SPEG: variants seen among roughly 807,000 people sequenced by gnomAD.
SPEG encodes the protein striated muscle enriched protein kinase.
SPEG carries 114 observed loss-of-function variants against 300.4 expected under a neutral mutation model. The ratio of observed to expected loss-of-function variants is 0.38; its 90% CI spans 0.33 to 0.44. SPEG has a LOEUF of 0.44. Ranked by LOEUF, SPEG falls within the 20% of genes least tolerant of loss-of-function variation. SPEG has a pLI of 1.00. For missense variants in SPEG, 4,201 were observed against 4,586.2 expected (o/e 0.92, Z 2.43); for synonymous variants, 1,964 against 2,018.9 (o/e 0.97, Z 0.73).
chr2:219,446,284 G>A (rs1689283680), intron 3 of SPEG, among the ~76,000 whole-genome samples: 1 of 152,172 alleles, frequency 6.6e-6, no homozygotes, highest in Non-Finnish European at 1.5e-5. Context: ...CCAGAGCCTG[G>A]AGTTGCTATG....
At position 219,485,330 on chromosome 2, in the gene SPEG, GCCTGAGTCTTCACAGC is replaced by G. The variant is rs1311393970; in HGVS notation, c.7610-13_7612del. Reference sequence around the variant, plus strand: ...GTACTGACTGAACAAATACTCACGGGCCTGAGTCTTCACAGCCCCAGGGGAAAGCCGAAGCCGGCTC... The same window carrying G: ...GTACTGACTGAACAAATACTCACGGGCCCAGGGGAAAGCCGAAGCCGGCTC... On this transcript the variant is annotated splice_acceptor_variant and splice_polypyrimidine_tract_variant and coding_sequence_variant and intron_variant, in exon 31 of 41. Coordinates refer to ENST00000312358, the MANE Select transcript of SPEG (RefSeq NM_005876.5). LOFTEE classifies it high-confidence loss of function. 1 of 1,601,492 alleles carries G rather than the reference GCCTGAGTCTTCACAGC, an allele frequency of 6.2e-7. No individual in the cohort carries two copies. Among genetic ancestry groups the G allele is most frequent in the Non-Finnish European group, 8.5e-7 (1 of 1,174,572 alleles).
chr2:219,485,234 C>A, intron 30 of SPEG, 112 bp from the exon 31 acceptor site: 1 of 1,495,468 alleles, frequency 6.7e-7, no homozygotes, highest in East Asian at 2.3e-5. Flanking sequence ...GGAATGGCGG[C>A]AGGGCTGGGT....
chr2:219,483,348 C>T lies in SPEG; in HGVS notation c.5885C>T (p.Thr1962Ile), dbSNP rs1424392041. The T allele has an allele frequency of 6.2e-7, 1 of 1,604,656 alleles. No individual in the cohort carries two copies. Among genetic ancestry groups the T allele is most frequent in the Non-Finnish European group, 8.5e-7 (1 of 1,176,412 alleles). ...DIPTEDEALG[T>I]PETGAATPMD... The stretch of plus-strand genomic sequence containing the variant: ...CCCACTGAGGATGAGGCCCTGGGGA[C>T]CCCAGAGACTGGGGCTGCCACCCCC... Residue 1962 changes from threonine to isoleucine, a missense_variant, in exon 30 of 41, where the codon ACC (threonine) becomes ATC (isoleucine). Physicochemically the swap from Thr to Ile is moderately conservative, Grantham distance 89. Transcript: ENST00000312358.
chr2:219,447,041 A>G (rs566758086), intron 3 of SPEG, among the ~76,000 whole-genome samples: 1 of 124,532 alleles, frequency 8.0e-6, no homozygotes, highest in South Asian at 2.8e-4. Flanking sequence ...TCCTCCCCGC[A>G]AGGGTCCAGA....
At chr2:219,470,328 T>C (rs1362081688) in intron 13 of SPEG, among the ~76,000 whole-genome samples, 2 of 152,150 alleles carry the variant, frequency 1.3e-5, no homozygotes, top group East Asian at 1.9e-4. Context: ...GATGTCCCTG[T>C]CACCCATGCT....
Position 219,483,803 on chromosome 2 carries a change from C to G in SPEG, c.6340C>G (p.Pro2114Ala), listed in dbSNP as rs1426421637. The G allele has an allele frequency of 1.6e-5, 25 of 1,572,566 alleles. No individual in the cohort carries two copies. The highest frequency in any genetic ancestry group is 2.1e-5 in the Non-Finnish European group (24 of 1,166,542). The change falls in exon 30 of 41, where the codon CCC (proline) becomes GCC (alanine). Residue 2114 changes from proline (P) to alanine (A), a missense_variant. Coordinates refer to ENST00000312358, the MANE Select transcript of SPEG (RefSeq NM_005876.5). Reference sequence around the variant, plus strand: ...ACGAGCTGCCTCCAGCGAGGCAGCGCCCCACCACCAGCCCCCACTCGAGAA... The same window carrying G: ...ACGAGCTGCCTCCAGCGAGGCAGCGGCCCACCACCAGCCCCCACTCGAGAA... ...MARAASSEAAPHHQPPLENRG... is the reference protein window; with the variant it reads ...MARAASSEAAAHHQPPLENRG...
chr2:219,484,662 T>A lies in SPEG; in HGVS notation c.7199T>A (p.Val2400Asp), dbSNP rs1693212420. Residue 2400 changes from valine (V) to aspartate (D), a missense_variant, in exon 30 of 41, where the codon GTC becomes GAC. Around this residue, in one of 4 missense-constraint regions of SPEG, gnomAD observed 1,578 missense variants for 1,506.0 expected, o/e 1.05. Transcript: ENST00000312358. ...RSRSVQDLRA[V>D]GEPGLVRRLS... ...CGCTCGGTGCAGGACCTCAGGGCTGTCGGAGAGCCTGGCCTCGTCCGCCGC... is the reference window on the plus strand; with the variant it reads ...CGCTCGGTGCAGGACCTCAGGGCTGACGGAGAGCCTGGCCTCGTCCGCCGC... 5 of 1,529,742 alleles carry A rather than the reference T, an allele frequency of 3.3e-6. No homozygotes were observed. In the South Asian group the frequency reaches 6.0e-5, roughly 18 times the overall value. 94.8% of individuals were successfully genotyped at this position (1,529,742 alleles called of 1,614,324 possible).
intron 6 of SPEG, chr2:219,461,381 T>TGGACC: frequency 1.0e-6 from 1 of 999,570 alleles, no homozygotes; most frequent in Non-Finnish European, 1.2e-6. Flanking sequence ...TCATTGGCCC[T>TGGACC]GGACCGAGGT....
At chr2:219,460,080 G>A (rs111786227) in intron 6 of SPEG, among the ~76,000 whole-genome samples, 5 of 152,250 alleles carry the variant, frequency 3.3e-5, no homozygotes, top group East Asian at 1.9e-4. Flanking sequence ...GGCAGCCCCC[G>A]CTGTCCTCTT....
rs1218044332 is a variant in SPEG at position 219,481,487 on chromosome 2, G to T, written c.5522+31G>T. On this transcript the variant is annotated intron_variant, in intron 27 of 40. Coordinates refer to ENST00000312358, the MANE Select transcript of SPEG (RefSeq NM_005876.5). The surrounding 1 kb of genome is among the most constrained non-coding windows in gnomAD (Gnocchi z 5.4). ...TACAAGGCCCTGGGAGCCCCCACCT[G>T]CAGGGTCACCCTCATACCACCTGCC... 3 of 1,612,312 alleles carry T rather than the reference G, an allele frequency of 1.9e-6. No homozygotes were observed. Among genetic ancestry groups the T allele is most frequent in the Non-Finnish European group, 2.5e-6 (3 of 1,178,796 alleles).
At chr2:219,468,141 A>G (rs1220099739) in intron 10 of SPEG, among the ~76,000 whole-genome samples, 6 of 152,346 alleles carry the variant, frequency 3.9e-5, no homozygotes, top group African/African-American at 1.2e-4. Flanking sequence ...AGGTGGGGCC[A>G]AGGGGCATCT....
At position 219,474,135 on chromosome 2, in the gene SPEG, T is replaced by C. The variant is rs1275126461; in HGVS notation, c.4447+232T>C. On this transcript the variant is annotated intron_variant, in intron 18 of 40. Transcript: ENST00000312358. Reference sequence around the variant, plus strand: ...GCTCACACCTGTAATCTCAGCACTTTGGGAGGCCGACACAGGTGGATTACC... The same window carrying C: ...GCTCACACCTGTAATCTCAGCACTTCGGGAGGCCGACACAGGTGGATTACC... 28 of 444,632 alleles carry C rather than the reference T, an allele frequency of 6.3e-5. 2 individuals carry two copies. In the South Asian group the frequency reaches 1.2e-3, roughly 19 times the overall value. The allele number at this position is 444,632 out of a possible 1,614,324, so 27.5% of individuals were successfully genotyped here. A position where few individuals can be genotyped will look rare whatever the true frequency, so the allele number is the denominator to read the frequency against.
Position 219,489,607 on chromosome 2 carries a change from C to T in SPEG, c.8589C>T (p.Pro2863=), listed in dbSNP as rs1334018607. Residue 2863 remains proline (P), a synonymous_variant, in exon 36 of 41, where the codon CCC becomes CCT. Coordinates refer to ENST00000312358, the MANE Select transcript of SPEG (RefSeq NM_005876.5). ...QAARPAEPTL[P]STHVTPSEPK... ...CCCGGCCAGCGGAGCCCACCCTACCCAGTACCCACGTCACCCCAAGTGAGC... is the reference window on the plus strand; with the variant it reads ...CCCGGCCAGCGGAGCCCACCCTACCTAGTACCCACGTCACCCCAAGTGAGC... The T allele has an allele frequency of 6.2e-7, 1 of 1,613,850 alleles. No individual in the cohort carries two copies.
chr2:219,451,002 C>G lies in SPEG; in HGVS notation c.2114-134C>G. On this transcript the variant is annotated intron_variant, in intron 4 of 40. Transcript: ENST00000312358. The surrounding 1 kb of genome is among the most constrained non-coding windows in gnomAD (Gnocchi z 6.4). Reference sequence around the variant, plus strand: ...CATTCAGGAGGCAGACCCTCTTCTCCCCAAGTCCCTGCTTTCTAGAAGCCC... The same window carrying G: ...CATTCAGGAGGCAGACCCTCTTCTCGCCAAGTCCCTGCTTTCTAGAAGCCC... The G allele has an allele frequency of 1.1e-6, 1 of 896,964 alleles. No individual in the cohort carries two copies. Among genetic ancestry groups the G allele is most frequent in the Non-Finnish European group, 1.6e-6 (1 of 613,322 alleles). 55.6% of individuals were successfully genotyped at this position (896,964 alleles called of 1,614,324 possible).
chr2:219,465,900 G>C, intron 9 of SPEG: 1 of 657,994 alleles, frequency 1.5e-6, no homozygotes, highest in Non-Finnish European at 2.7e-6. Flanking sequence ...TGTGCGTATG[G>C]GTGTGTGCAT....
At chr2:219,472,114 C>A in intron 14 of SPEG, 113 bp from the exon 15 acceptor site, 1 of 1,512,318 alleles carries the variant, frequency 6.6e-7, no homozygotes, top group Non-Finnish European at 9.0e-7. Flanking sequence ...TCTTGCCTTG[C>A]CCCTGCCCCT....
At position 219,449,190 on chromosome 2, in the gene SPEG, G is replaced by A. The variant is rs1329925309; in HGVS notation, c.2032G>A (p.Gly678Ser). The A allele has an allele frequency of 6.5e-6, 9 of 1,393,992 alleles. No homozygotes were observed. In the Admixed American group the frequency reaches 2.2e-4, roughly 34 times the overall value. The allele number at this position is 1,393,992 out of a possible 1,614,324, so 86.4% of individuals were successfully genotyped here. Residue 678 changes from glycine to serine, a missense_variant, in exon 4 of 41, where the codon GGT becomes AGT. This residue lies in a region of SPEG where 1,258 missense variants were observed against 1,293.9 expected (regional missense o/e 0.97). Coordinates refer to ENST00000312358, the MANE Select transcript of SPEG (RefSeq NM_005876.5). ...GCTTCGCAGAGGGCCGGAGGAGGAC[G>A]GTCCCTGGGGGCCCTGGGACCGCCG... ...KRLRRGPEED[G>S]PWGPWDRRGA...
chr2:219,488,472 C>T, intron 32 of SPEG, 26 bp from the exon 33 acceptor site: 1 of 1,546,978 alleles, frequency 6.5e-7, no homozygotes, highest in Middle Eastern at 1.7e-4. Flanking sequence ...CACTCAGCAG[C>T]AACTCCTGCT....
At chr2:219,467,026 C>A in intron 9 of SPEG, 148 bp from the exon 10 acceptor site, 1 of 1,164,190 alleles carries the variant, frequency 8.6e-7, no homozygotes, top group Non-Finnish European at 1.2e-6. Flanking sequence ...GCTGTCCTGG[C>A]CAGGTGGGTG....
Sources: gnomAD v4.1 joint callset for allele counts (sites outside exome capture counted in the v4.1 genomes callset) on GRCh38, gnomAD v4.1.1 for gene constraint, gnomAD v4.1.1 regional missense constraint, Gnocchi (gnomAD v3.1) non-coding constraint, MANE v1.5 for transcripts, NCBI Gene and HGNC (gene_info 2026-07-23, HGNC 2026-07-21) for gene names.